The following TAF4 variants were observed in gnomAD, a reference collection of about 807,000 sequenced individuals.
The protein encoded by TAF4 is transcription initiation factor TFIID subunit 4.
Under a neutral mutation model 90.3 loss-of-function variants are expected in TAF4, and 9 were observed. The ratio of observed to expected loss-of-function variants is 0.10; its 90% CI spans 0.06 to 0.17. TAF4 has a LOEUF of 0.17. Among genes scored for constraint, TAF4 ranks in the 10% least tolerant of loss-of-function variants. The pLI, the probability that TAF4 is intolerant of heterozygous loss-of-function variation, is 1.00. For missense variants in TAF4, 1,351 were observed against 1,370.7 expected (o/e 0.99, Z 0.23); for synonymous variants, 818 against 638.9 (o/e 1.28, Z -4.23).
chr20:61,983,982 G>A (rs1475146659), intron 14 of TAF4, among the ~76,000 whole-genome samples: 2 of 152,166 alleles, frequency 1.3e-5, no homozygotes, highest in South Asian at 2.1e-4. Flanking sequence ...GATATGACAC[G>A]TGGATATTTA....
chr20:62,041,330 C>A (rs1423315904), intron 1 of TAF4, among the ~76,000 whole-genome samples: 1 of 152,152 alleles, frequency 6.6e-6, no homozygotes, highest in Non-Finnish European at 1.5e-5. Flanking sequence ...TAAAGGAGAG[C>A]CCCTACCCTC....
At chr20:62,012,788 C>G in intron 3 of TAF4, 27 bp downstream of exon 3, 2 of 1,600,186 alleles carry the variant, frequency 1.2e-6, no homozygotes, top group Non-Finnish European at 1.7e-6. Flanking sequence ...CCTGCAGCCT[C>G]AAGAGATCCG....
chr20:62,057,171 C>T (rs2056069415), intron 1 of TAF4, among the ~76,000 whole-genome samples: 1 of 152,200 alleles, frequency 6.6e-6, no homozygotes, highest in South Asian at 2.1e-4. Flanking sequence ...CCCACCTTGC[C>T]ACCGGCAGCA....
chr20:62,000,555 T>A lies in TAF4; in HGVS notation c.2653A>T (p.Ile885Leu). 1 of 1,612,350 alleles carries A rather than the reference T, an allele frequency of 6.2e-7. No individual in the cohort carries two copies. The highest frequency in any genetic ancestry group is 8.5e-7 in the Non-Finnish European group (1 of 1,178,588). ...QAPLQRRILE[I>L]GKKHGITELH... is the part of the protein sequence containing the mutation. ...CAGTCATTAAACACCAACGTACCTA[T>A]TTCTAATATTCTTCTCTGCAAAGGC... is the stretch of plus-strand genomic sequence containing the variant. The change falls in exon 10 of 15, where the codon ATA (isoleucine) becomes TTA (leucine). Residue 885 changes from isoleucine (I) to leucine (L), a missense_variant. Physicochemically the swap from Ile to Leu is conservative, Grantham distance 5 (BLOSUM62 2). Coordinates refer to ENST00000252996, the MANE Select transcript of TAF4 (RefSeq NM_003185.4).
At chr20:62,014,021 T>TGTGGGGGGGG in intron 2 of TAF4, among the ~76,000 whole-genome samples, 1 of 90,820 alleles carries the variant, frequency 1.1e-5, no homozygotes, top group East Asian at 3.6e-4. Flanking sequence ...GGGGTGTGGG[T>TGTGGGGGGGG]GTGTGTGTGT....
chr20:61,991,326 C>A (rs1033644149), intron 14 of TAF4, among the ~76,000 whole-genome samples: 1 of 151,642 alleles, frequency 6.6e-6, no homozygotes, highest in Non-Finnish European at 1.5e-5. Context: ...GAGGCTGAGG[C>A]AGAAGAAAAC....
chr20:62,031,558 T>C (rs1363721884), intron 1 of TAF4, among the ~76,000 whole-genome samples: 3 of 152,306 alleles, frequency 2.0e-5, no homozygotes, highest in Non-Finnish European at 2.9e-5. Context: ...TTGCCTTGAC[T>C]GAGAGCTCAG....
intron 14 of TAF4, among the ~76,000 whole-genome samples, chr20:61,977,641 GTCTCC>G (rs1289822811): frequency 6.6e-6 from 1 of 152,198 alleles, no homozygotes; most frequent in Non-Finnish European, 1.5e-5. Flanking sequence ...GAGGGCACCT[GTCTCC>G]GTTCAGACGC....
At chr20:62,021,526 G>A (rs2055843013) in intron 1 of TAF4, among the ~76,000 whole-genome samples, 1 of 152,260 alleles carries the variant, frequency 6.6e-6, no homozygotes, top group South Asian at 2.1e-4. Flanking sequence ...ACAGCCAAGG[G>A]CCGTGCGCGC....
intron 7 of TAF4, chr20:62,005,654 T>C (rs1035224720): frequency 6.6e-6 from 1 of 152,256 alleles, no homozygotes; most frequent in Non-Finnish European, 1.5e-5. Flanking sequence ...CTGGCCTTTA[T>C]AAGGGACACC....
rs930053170 is a variant in TAF4 at position 62,010,620 on chromosome 20, G to A, written c.1642-455C>T. ...ACAGGGCGGTCAGGGCTCCACAGCC[G>A]CAGCCTCCCATAGGGGAGGGTCCCC... is the stretch of plus-strand genomic sequence containing the variant. On this transcript the variant is annotated intron_variant, in intron 3 of 14. Coordinates refer to ENST00000252996, the MANE Select transcript of TAF4 (RefSeq NM_003185.4). The surrounding 1 kb of genome is among the most constrained non-coding windows in gnomAD (Gnocchi z 4.5). Among the ~76,000 whole-genome samples, 8 of 152,226 alleles carry A rather than the reference G, an allele frequency of 5.3e-5. No individual in the cohort carries two copies. The highest frequency in any genetic ancestry group is 1.3e-4 in the Admixed American group (2 of 15,298).
intron 14 of TAF4, among the ~76,000 whole-genome samples, chr20:61,991,889 A>G (rs749174603): frequency 6.6e-6 from 1 of 152,150 alleles, no homozygotes; most frequent in Non-Finnish European, 1.5e-5. Flanking sequence ...CCAGGGAAGA[A>G]AAACACGTGG....
chr20:62,012,260 T>C (rs1473251518), intron 3 of TAF4: 1 of 152,594 alleles, frequency 6.6e-6, no homozygotes, highest in African/African-American at 2.4e-5. Flanking sequence ...ACCGTGCAGG[T>C]GGCATGGCCG....
At chr20:62,026,783 G>A (rs1302059156) in intron 1 of TAF4, among the ~76,000 whole-genome samples, 3 of 152,196 alleles carry the variant, frequency 2.0e-5, no homozygotes, top group African/African-American at 7.2e-5. Context: ...CCCGTGAGTG[G>A]AGAGCTGGGC....
At chr20:62,048,156 G>C (rs1246403550) in intron 1 of TAF4, among the ~76,000 whole-genome samples, 5 of 152,310 alleles carry the variant, frequency 3.3e-5, no homozygotes, top group East Asian at 1.9e-4. Context: ...CTGTGGCTGC[G>C]ACATACCTAG....
chr20:62,022,937 C>G (rs1010521541), intron 1 of TAF4, among the ~76,000 whole-genome samples: 1 of 151,034 alleles, frequency 6.6e-6, no homozygotes, highest in Non-Finnish European at 1.5e-5. Context: ...CTACAAAATG[C>G]TGATTAAAAC....
intron 1 of TAF4, among the ~76,000 whole-genome samples, chr20:62,056,751 C>T (rs569979571): frequency 6.6e-6 from 1 of 152,142 alleles, no homozygotes; most frequent in African/African-American, 2.4e-5. Flanking sequence ...GGTGACGTTA[C>T]AAGTGACTGT....
chr20:62,013,865 C>G lies in TAF4; in HGVS notation c.1521+682G>C, dbSNP rs1420642323. On this transcript the variant is annotated intron_variant, in intron 2 of 14. Transcript: ENST00000252996. ...AAGTCAGAATCCGTGCTCCCTACCACAGCTCAGGGGTCGGGAGCTTCGGCC... is the reference window on the plus strand; with the variant it reads ...AAGTCAGAATCCGTGCTCCCTACCAGAGCTCAGGGGTCGGGAGCTTCGGCC... Among the ~76,000 whole-genome samples the G allele has an allele frequency of 2.6e-5, 4 of 151,612 alleles. No individual in the cohort carries two copies. In the East Asian group the frequency reaches 7.8e-4, roughly 29 times the overall value.
chr20:62,019,726 G>C (rs1002321690), intron 1 of TAF4, among the ~76,000 whole-genome samples: 6 of 152,230 alleles, frequency 3.9e-5, no homozygotes, highest in African/African-American at 1.4e-4. Flanking sequence ...CCCACAGTGT[G>C]AGTGAATCCC....
Sources: gnomAD v4.1 joint callset for allele counts (sites outside exome capture counted in the v4.1 genomes callset) on GRCh38, gnomAD v4.1.1 for gene constraint, Gnocchi (gnomAD v3.1) non-coding constraint, MANE v1.5 for transcripts, NCBI Gene and HGNC (gene_info 2026-07-23, HGNC 2026-07-21) for gene names.